ASTN2: variants seen among roughly 807,000 people sequenced by gnomAD.
ASTN2 encodes the protein astrotactin 2, also known as astrotactin-2.
A neutral mutation model predicts 139.8 loss-of-function variants in ASTN2; 54 were observed. The ratio of observed to expected loss-of-function variants is 0.39; its 90% CI spans 0.31 to 0.48. ASTN2 has a LOEUF of 0.48. ASTN2 is among the 20% of genes least tolerant of loss of function. ASTN2 has a pLI of 0.95. For synonymous variants in ASTN2, 756 were observed against 719.5 expected (o/e 1.05, Z -0.81); for missense variants, 1,565 against 1,725.1 (o/e 0.91, Z 1.64).
rs1856801009 is a variant in ASTN2, at chr9:116,632,187, AG to A, written c.3073-11745del. Among the ~76,000 whole-genome samples the A allele has an allele frequency of 3.1e-3, 113 of 35,900 alleles. 2 individuals are homozygous for A. The highest frequency in any genetic ancestry group is 0.015 in the African/African-American group (108 of 7,286). 23.6% of individuals were successfully genotyped at this position (35,900 alleles called of 152,430 possible). On this transcript the variant is annotated intron_variant, in intron 17 of 22. Coordinates refer to ENST00000313400, the MANE Select transcript of ASTN2 (RefSeq NM_001365068.1). ...GAGAGAGAGAGAGAGAGAGAGAGGG[AG>A]AGAGAGAGAAAGAAAGAAAAGAAAG...
At chr9:116,524,001 A>AT (rs1007186453) in intron 19 of ASTN2, among the ~76,000 whole-genome samples, 7 of 151,976 alleles carry the variant, frequency 4.6e-5, no homozygotes, top group South Asian at 2.1e-4. Context: ...GAGAAAGGCC[A>AT]TTTTTTTTCC....
intron 3 of ASTN2, among the ~76,000 whole-genome samples, chr9:117,184,675 C>A (rs996655645): frequency 3.9e-5 from 6 of 152,124 alleles, no homozygotes; most frequent in Admixed American, 2.6e-4. Flanking sequence ...TAACCTCACC[C>A]CCTACATACA....
chr9:117,116,053 T>TATATATA (rs55920877), intron 4 of ASTN2, among the ~76,000 whole-genome samples: 1 of 150,334 alleles, frequency 6.7e-6, no homozygotes, highest in South Asian at 2.1e-4. Context: ...TATATATATA[T>TATATATA]TGCTCCCATC....
chr9:117,238,374 G>A (rs1833108628), intron 2 of ASTN2, among the ~76,000 whole-genome samples: 1 of 152,202 alleles, frequency 6.6e-6, no homozygotes, highest in African/African-American at 2.4e-5. Flanking sequence ...AACTCCAGGA[G>A]GCTAATAAGT....
chr9:117,334,034 A>T (rs1055209607), intron 1 of ASTN2, among the ~76,000 whole-genome samples: 3 of 152,194 alleles, frequency 2.0e-5, no homozygotes, highest in African/African-American at 7.2e-5. Context: ...TTCTTTGTAA[A>T]GAGCCAGATG....
intron 19 of ASTN2, among the ~76,000 whole-genome samples, chr9:116,496,929 G>C (rs1239887003): frequency 6.6e-6 from 1 of 152,090 alleles, no homozygotes; most frequent in East Asian, 1.9e-4. Context: ...CTCCCACCAG[G>C]GTCCCTCCCA....
rs138958690 is a variant in ASTN2, at chr9:117,413,683, T to C, written c.442+814A>G. Among the ~76,000 whole-genome samples, 82 of 152,232 alleles carry C rather than the reference T, an allele frequency of 5.4e-4. 1 individual carries two copies. The highest frequency in any genetic ancestry group is 1.9e-3 in the African/African-American group (77 of 41,494). On this transcript the variant is annotated intron_variant, in intron 1 of 22. Coordinates refer to ENST00000313400, the MANE Select transcript of ASTN2 (RefSeq NM_001365068.1). ...CGAACTTTTCTGATTAACTTTTCCG[T>C]TGGAGCCCCCCACCCACACCCATCT...
chr9:117,282,227 T>C (rs2130768208), intron 2 of ASTN2, among the ~76,000 whole-genome samples: 1 of 152,370 alleles, frequency 6.6e-6, no homozygotes, highest in South Asian at 2.1e-4. Context: ...TAGTATAGAA[T>C]AGTTTCTCAA....
At chr9:117,262,367 C>A (rs188294687) in intron 2 of ASTN2, among the ~76,000 whole-genome samples, 2 of 151,806 alleles carry the variant, frequency 1.3e-5, no homozygotes, top group Non-Finnish European at 2.9e-5. Flanking sequence ...ATATTCCCAC[C>A]CAACACTGTG....
intron 17 of ASTN2, among the ~76,000 whole-genome samples, chr9:116,641,340 G>A (rs1448068746): frequency 1.3e-5 from 2 of 152,172 alleles, no homozygotes; most frequent in African/African-American, 4.8e-5. Flanking sequence ...AGGAAAGTGA[G>A]AAGAGGCTCA....
In ASTN2 at chr9:116,530,094, GATATATATATATATATATAT is replaced by G. The variant is rs3984942; in HGVS notation, c.3356-42614_3356-42595del. 4.9e-3 allele frequency among the ~76,000 whole-genome samples: 251 copies of G among 51,064 alleles called. 4 individuals carry two copies. The highest frequency in any genetic ancestry group is 0.011 in the African/African-American group (140 of 12,518). The allele number at this position is 51,064 out of a possible 152,430, so 33.5% of individuals were successfully genotyped here. A position where few individuals can be genotyped will look rare whatever the true frequency, so the allele number is the denominator to read the frequency against. On this transcript the variant is annotated intron_variant, in intron 19 of 22. Coordinates refer to ENST00000313400, the MANE Select transcript of ASTN2 (RefSeq NM_001365068.1). ...ATCAGTGGATGAATGGATAAAGTGT[GATATATATATATATATATAT>G]ATATATATATATATATATATATATA...
chr9:116,504,539 T>C (rs566733852), intron 19 of ASTN2, among the ~76,000 whole-genome samples: 2 of 152,330 alleles, frequency 1.3e-5, no homozygotes, highest in South Asian at 2.1e-4. Context: ...GAGTGTTTCA[T>C]ATTGCTAACT....
intron 13 of ASTN2, among the ~76,000 whole-genome samples, chr9:116,781,900 A>G (rs192794990): frequency 6.6e-6 from 1 of 152,162 alleles, no homozygotes; most frequent in Admixed American, 6.5e-5. Context: ...TTTATATCAC[A>G]ACAAGCAGAG....
intron 5 of ASTN2, among the ~76,000 whole-genome samples, chr9:117,061,365 C>T (rs1839285211): frequency 6.6e-6 from 1 of 152,140 alleles, no homozygotes; most frequent in Non-Finnish European, 1.5e-5. Context: ...GATGTAAGTG[C>T]TTTGCACAGT....
At chr9:117,272,083 C>G (rs1016793149) in intron 2 of ASTN2, among the ~76,000 whole-genome samples, 3 of 152,216 alleles carry the variant, frequency 2.0e-5, no homozygotes, top group Non-Finnish European at 4.4e-5. Context: ...GAGGGCCCTG[C>G]CCCTGCAGCA....
intron 21 of ASTN2, among the ~76,000 whole-genome samples, chr9:116,442,187 T>A (rs780404032): frequency 6.6e-6 from 1 of 152,224 alleles, no homozygotes; most frequent in Non-Finnish European, 1.5e-5. Flanking sequence ...TTGTGGCCTG[T>A]AAGTCAGAAC....
chr9:116,814,186 C>A (rs550012885), intron 12 of ASTN2, among the ~76,000 whole-genome samples: 109 of 152,236 alleles, frequency 7.2e-4, no homozygotes, highest in African/African-American at 2.5e-3. Flanking sequence ...TCCTTCCCAG[C>A]TTTCCTAGTG....
intron 4 of ASTN2, among the ~76,000 whole-genome samples, chr9:117,112,803 C>T (rs1226907101): frequency 6.6e-6 from 1 of 151,946 alleles, no homozygotes; most frequent in African/African-American, 2.4e-5. Context: ...AAAGACACCA[C>T]TAAGAAAAGG....
At chr9:117,074,003 C>A (rs1587934238) in intron 5 of ASTN2, among the ~76,000 whole-genome samples, 1 of 152,168 alleles carries the variant, frequency 6.6e-6, no homozygotes, top group East Asian at 1.9e-4. Context: ...TTGATTCACA[C>A]AAGCCCAGGC....
Sources: gnomAD v4.1 joint callset for allele counts (sites outside exome capture counted in the v4.1 genomes callset) on GRCh38, gnomAD v4.1.1 for gene constraint, MANE v1.5 for transcripts, NCBI Gene and HGNC (gene_info 2026-07-23, HGNC 2026-07-21) for gene names.